The following SLC15A5 variants were observed in gnomAD, a reference collection of about 807,000 sequenced individuals.
The protein encoded by SLC15A5 is solute carrier family 15 member 5, also known as Peptide/histidine transporter ENSP00000340402.
A neutral mutation model predicts 56.1 loss-of-function variants in SLC15A5; 58 were observed. The observed-to-expected ratio is 1.03, with a 90% CI of 0.84 to 1.29. The LOEUF is 1.29. Ranked by LOEUF, SLC15A5 falls within the 50% of genes most tolerant of loss-of-function variation. The pLI is 0.00. For synonymous variants in SLC15A5, 264 were observed against 250.5 expected, an observed-to-expected ratio of 1.05 and a Z score of -0.51; for missense variants, 681 against 672.1, an observed-to-expected ratio of 1.01 and a Z score of -0.15.
chr12:16,248,714 G>A (rs943958726), intron 3 of SLC15A5, among the ~76,000 whole-genome samples: 14 of 151,962 alleles, frequency 9.2e-5, no homozygotes, highest in African/African-American at 7.3e-5. Flanking sequence ...GAAAACTCAC[G>A]CCTTCTATGC....
At position 16,239,788 on chromosome 12, in the gene SLC15A5, T is replaced by C; in HGVS notation, c.1055A>G (p.Asn352Ser). 1 of 1,537,274 alleles carries C rather than the reference T, an allele frequency of 6.5e-7. No homozygotes were observed. Among genetic ancestry groups the C allele is most frequent in the Middle Eastern group, 1.7e-4 (1 of 5,990 alleles). The change falls in exon 5 of 9, where the codon AAT becomes AGT. Residue 352 changes from asparagine (N) to serine (S), a missense_variant. By Grantham distance (46) the Asn-to-Ser change is conservative. Coordinates refer to ENST00000344941, the MANE Select transcript of SLC15A5 (RefSeq NM_001170798.1). ...TAGTAATGGTAGGCTGCTGATGGCA[T>C]TCATTACTGCAATCGGCAGAAGAAA... Reference protein sequence around the residue: ...DGFLLPIAVMNAISSLPLLIL... With the variant: ...DGFLLPIAVMSAISSLPLLIL...
chr12:16,253,062 AG>A (rs538775231), intron 3 of SLC15A5, among the ~76,000 whole-genome samples: 10 of 152,074 alleles, frequency 6.6e-5, no homozygotes, highest in Non-Finnish European at 1.3e-4. Context: ...TTCAACAAAT[AG>A]GGCGGGGTAA....
chr12:16,263,041 C>A (rs1371758838), intron 2 of SLC15A5, among the ~76,000 whole-genome samples: 6 of 152,140 alleles, frequency 3.9e-5, no homozygotes, highest in Admixed American at 2.6e-4. Context: ...TGGGGCACTG[C>A]TGAAAAGATA....
chr12:16,258,610 TTATA>T (rs554751025), intron 2 of SLC15A5, among the ~76,000 whole-genome samples: 333 of 152,262 alleles, frequency 2.2e-3, no homozygotes, highest in Middle Eastern at 0.02. Context: ...CATATATAAC[TTATA>T]TACATATTAG....
At chr12:16,272,530 C>G in intron 2 of SLC15A5, 31 bp downstream of exon 2, 1 of 1,525,228 alleles carries the variant, frequency 6.6e-7, no homozygotes, top group South Asian at 1.2e-5. Flanking sequence ...TGGTCATAAG[C>G]CTCTTTTCTC....
chr12:16,258,331 G>C (rs1000689297), intron 2 of SLC15A5, among the ~76,000 whole-genome samples: 18 of 152,140 alleles, frequency 1.2e-4, no homozygotes, highest in African/African-American at 4.1e-4. Flanking sequence ...CAAATACTCA[G>C]AAATATCTGG....
Position 16,277,622 on chromosome 12 carries a change from C to T in SLC15A5, c.64G>A (p.Glu22Lys), listed in dbSNP as rs1416482019. The T allele has an allele frequency of 1.3e-6, 2 of 1,536,246 alleles. No individual in the cohort carries two copies. The highest frequency in any genetic ancestry group is 8.7e-7 in the Non-Finnish European group (1 of 1,146,274). ...KVHLYHSIEK[E>K]KTVRHIGDLC... ...TCGCCAATATGTCTTACAGTTTTCT[C>T]CTTCTCAATGCTGTGATATAAGTGT... is the stretch of plus-strand genomic sequence containing the variant. The change falls in exon 1 of 9, where the codon GAG becomes AAG. Residue 22 changes from glutamate to lysine, a missense_variant. Physicochemically the swap from Glu to Lys is moderately conservative, Grantham distance 56 (BLOSUM62 1). Transcript: ENST00000344941.
chr12:16,277,503 G>C lies in SLC15A5; in HGVS notation c.183C>G (p.Val61=). ...LCERFTFFEV[V]CNMIPFCTIK... is the part of the protein sequence containing the mutation. ...TAGTGCAAAAGGGGATCATGTTGCAGACGACTTCAAAGAACGTGAACCTCT... is the reference window on the plus strand; with the variant it reads ...TAGTGCAAAAGGGGATCATGTTGCACACGACTTCAAAGAACGTGAACCTCT... Residue 61 remains valine (V), a synonymous_variant, in exon 1 of 9, where the codon GTC becomes GTG. Coordinates refer to ENST00000344941, the MANE Select transcript of SLC15A5 (RefSeq NM_001170798.1). 1 of 1,536,564 alleles carries C rather than the reference G, an allele frequency of 6.5e-7. No homozygotes were observed. Among genetic ancestry groups the C allele is most frequent in the South Asian group, 1.2e-5 (1 of 84,046 alleles).
chr12:16,261,634 ATT>A (rs1426379351), intron 2 of SLC15A5, among the ~76,000 whole-genome samples: 1 of 152,212 alleles, frequency 6.6e-6, no homozygotes. Context: ...TATATTTAAT[ATT>A]TTAAGAAAAT....
Position 16,271,431 on chromosome 12 carries a change from G to A in SLC15A5, c.584+1130C>T, listed in dbSNP as rs145989575. On this transcript the variant is annotated intron_variant, in intron 2 of 8. Coordinates refer to ENST00000344941, the MANE Select transcript of SLC15A5 (RefSeq NM_001170798.1). This position sits in a 1 kb window ranked among gnomAD's most constrained non-coding sequence, Gnocchi z 8.0. ...GGATTTTTCTTTCTCCTTTGGGCAGGTCAAGGAGGCAGAATTTGCTGCAAG... is the reference window on the plus strand; with the variant it reads ...GGATTTTTCTTTCTCCTTTGGGCAGATCAAGGAGGCAGAATTTGCTGCAAG... 4.4e-3 allele frequency among the ~76,000 whole-genome samples: 671 copies of A among 152,224 alleles called. 4 individuals carry two copies. Among genetic ancestry groups the A allele is most frequent in the African/African-American group, 0.015 (637 of 41,534 alleles).
chr12:16,219,903 A>T (rs893236538), intron 6 of SLC15A5, among the ~76,000 whole-genome samples: 1 of 152,158 alleles, frequency 6.6e-6, no homozygotes, highest in Non-Finnish European at 1.5e-5. Flanking sequence ...CTTCTTGCCA[A>T]TGAGCGCTAA....
chr12:16,192,114 GTTTT>G (rs1397580833), intron 8 of SLC15A5, among the ~76,000 whole-genome samples: 1 of 152,058 alleles, frequency 6.6e-6, no homozygotes, highest in Non-Finnish European at 1.5e-5. Context: ...TTGCACTTTA[GTTTT>G]TTGATTTATA....
At chr12:16,265,209 G>A (rs966932108) in intron 2 of SLC15A5, among the ~76,000 whole-genome samples, 1 of 152,132 alleles carries the variant, frequency 6.6e-6, no homozygotes, top group Non-Finnish European at 1.5e-5. Context: ...GAAAATCACA[G>A]CTATTGTAAG....
chr12:16,200,340 A>G (rs1863942546), intron 7 of SLC15A5, among the ~76,000 whole-genome samples: 1 of 151,944 alleles, frequency 6.6e-6, no homozygotes, highest in Admixed American at 6.6e-5. Flanking sequence ...AAAAAACACA[A>G]TTCAAATTGA....
chr12:16,200,292 CTA>C (rs1038449877), intron 7 of SLC15A5, among the ~76,000 whole-genome samples: 11 of 151,518 alleles, frequency 7.3e-5, no homozygotes, highest in Middle Eastern at 6.9e-3. Context: ...AAAGGAAAAA[CTA>C]TTTTAAAGGG....
intron 7 of SLC15A5, among the ~76,000 whole-genome samples, chr12:16,198,107 T>G (rs779663319): frequency 6.6e-6 from 1 of 152,136 alleles, no homozygotes; most frequent in African/African-American, 2.4e-5. Context: ...AGTTAATACT[T>G]TCATAATATA....
chr12:16,197,873 G>A (rs4109312), intron 7 of SLC15A5, among the ~76,000 whole-genome samples: 73,228 of 151,434 alleles, frequency 0.48, 18,141 homozygotes, highest in South Asian at 0.72. Context: ...TTTTATTGTC[G>A]TAATTCACAT....
chr12:16,262,192 G>C (rs772019939), intron 2 of SLC15A5, among the ~76,000 whole-genome samples: 1 of 152,128 alleles, frequency 6.6e-6, no homozygotes, highest in Non-Finnish European at 1.5e-5. Flanking sequence ...CCTGGTACAG[G>C]GCTAATTCGG....
intron 7 of SLC15A5, among the ~76,000 whole-genome samples, chr12:16,214,089 C>A (rs1274555780): frequency 6.6e-6 from 1 of 152,074 alleles, no homozygotes; most frequent in East Asian, 1.9e-4. Context: ...GACTAGAGAA[C>A]TTGACTTTAT....
Sources: gnomAD v4.1 joint callset for allele counts (sites outside exome capture counted in the v4.1 genomes callset) on GRCh38, gnomAD v4.1.1 for gene constraint, Gnocchi (gnomAD v3.1) non-coding constraint, MANE v1.5 for transcripts, NCBI Gene and HGNC (gene_info 2026-07-23, HGNC 2026-07-21) for gene names.